The following OPCML variants were observed in gnomAD, a reference collection of about 807,000 sequenced individuals.
OPCML encodes the protein opioid binding protein/cell adhesion molecule like, also known as opioid-binding protein/cell adhesion molecule.
A neutral mutation model predicts 37.8 loss-of-function variants in OPCML; 13 were observed. The ratio of observed to expected loss-of-function variants is 0.34; its 90% CI spans 0.22 to 0.55. The LOEUF (loss-of-function observed/expected upper bound fraction) is 0.55, where lower values mean the gene tolerates loss of function less well. Among genes scored for constraint, OPCML ranks in the 20% least tolerant of loss-of-function variants. OPCML has a pLI of 0.91. For missense variants in OPCML, 341 were observed against 435.6 expected (o/e 0.78, Z 1.93); for synonymous variants, 176 against 168.8 (o/e 1.04, Z -0.33).
At chr11:133,197,569 C>T (rs1359290505) in intron 1 of OPCML, among the ~76,000 whole-genome samples, 1 of 152,152 alleles carries the variant, frequency 6.6e-6, no homozygotes, top group Non-Finnish European at 1.5e-5. Context: ...GCCACTTGCT[C>T]AATTAGATGG....
chr11:132,759,229 G>A (rs754654874), intron 2 of OPCML, among the ~76,000 whole-genome samples: 6 of 152,098 alleles, frequency 3.9e-5, no homozygotes, highest in Non-Finnish European at 1.5e-5. Flanking sequence ...TTTTCGCATC[G>A]ATGTTCATCA....
At chr11:132,884,914 G>A (rs1943352794) in intron 2 of OPCML, among the ~76,000 whole-genome samples, 1 of 152,076 alleles carries the variant, frequency 6.6e-6, no homozygotes, top group Admixed American at 6.6e-5. Context: ...AAAAATAAAA[G>A]CCTTAGTTAC....
At position 132,498,039 on chromosome 11, in the gene OPCML, T is replaced by G. The variant is rs187806829; in HGVS notation, c.505+31022A>C. On this transcript the variant is annotated intron_variant, in intron 4 of 7. Transcript: ENST00000524381. ...CATGGTTTTAGACAACACGATAAATTATTTAGAAAACATGATGAATTATTT... is the reference window on the plus strand; with the variant it reads ...CATGGTTTTAGACAACACGATAAATGATTTAGAAAACATGATGAATTATTT... Among the ~76,000 whole-genome samples, 67 of 152,356 alleles carry G rather than the reference T, an allele frequency of 4.4e-4. 1 individual carries two copies. The highest frequency in any genetic ancestry group is 2.5e-3 in the Admixed American group (38 of 15,308).
At chr11:132,645,031 A>T (rs1293898921) in intron 3 of OPCML, among the ~76,000 whole-genome samples, 2 of 152,212 alleles carry the variant, frequency 1.3e-5, no homozygotes, top group East Asian at 3.9e-4. Context: ...AATCCATCCC[A>T]TTAAATTGAT....
At chr11:132,922,234 G>T (rs939024279) in intron 2 of OPCML, among the ~76,000 whole-genome samples, 1 of 152,054 alleles carries the variant, frequency 6.6e-6, no homozygotes, top group African/African-American at 2.4e-5. Context: ...GGTGTTAAGA[G>T]CATCCTATCT....
At chr11:132,877,201 C>T (rs553670894) in intron 2 of OPCML, among the ~76,000 whole-genome samples, 3 of 152,274 alleles carry the variant, frequency 2.0e-5, no homozygotes, top group African/African-American at 7.2e-5. Flanking sequence ...TTCATCTTTT[C>T]AACCTGCAGA....
intron 2 of OPCML, among the ~76,000 whole-genome samples, chr11:132,940,009 T>A (rs1447375546): frequency 6.6e-6 from 1 of 152,216 alleles, no homozygotes; most frequent in African/African-American, 2.4e-5. Context: ...ATAATTATTT[T>A]TGCTTTTCAA....
At chr11:133,075,791 G>C (rs1018348845) in intron 1 of OPCML, among the ~76,000 whole-genome samples, 5 of 152,202 alleles carry the variant, frequency 3.3e-5, no homozygotes, top group Non-Finnish European at 7.3e-5. Context: ...CCCAGGCCTA[G>C]GGGACCTTGG....
intron 7 of OPCML, among the ~76,000 whole-genome samples, chr11:132,423,867 T>C: frequency 6.6e-6 from 1 of 152,222 alleles, no homozygotes; most frequent in Admixed American, 6.5e-5. Context: ...TTGAAGGAAC[T>C]ATTCAGGCTG....
chr11:133,396,085 T>C (rs554822710), intron 1 of OPCML, among the ~76,000 whole-genome samples: 5 of 152,152 alleles, frequency 3.3e-5, no homozygotes, highest in African/African-American at 1.2e-4. Context: ...CTTTTCATAG[T>C]AGAGAGCTTT....
intron 1 of OPCML, among the ~76,000 whole-genome samples, chr11:133,062,610 C>G (rs1351121431): frequency 2.6e-5 from 4 of 152,214 alleles, no homozygotes; most frequent in African/African-American, 7.2e-5. Context: ...CCCTCCTTTC[C>G]CTACAGATGA....
chr11:133,267,421 T>C (rs981143934), intron 1 of OPCML, among the ~76,000 whole-genome samples: 1 of 152,208 alleles, frequency 6.6e-6, no homozygotes, highest in African/African-American at 2.4e-5. Flanking sequence ...TTGTAAGATG[T>C]AGACAATCAA....
chr11:132,941,903 A>G (rs1380203573), intron 2 of OPCML, among the ~76,000 whole-genome samples: 1 of 152,164 alleles, frequency 6.6e-6, no homozygotes, highest in African/African-American at 2.4e-5. Context: ...AAGCCAAGGG[A>G]GGAACAGGAA....
chr11:133,514,800 C>T (rs961898720), intron 1 of OPCML, among the ~76,000 whole-genome samples: 4 of 152,164 alleles, frequency 2.6e-5, no homozygotes, highest in Admixed American at 2.6e-4. Context: ...ACTCTCACTC[C>T]TGTGTACCCT....
chr11:133,380,593 CA>C (rs1378550111), intron 1 of OPCML, among the ~76,000 whole-genome samples: 2 of 152,106 alleles, frequency 1.3e-5, no homozygotes, highest in African/African-American at 4.8e-5. Flanking sequence ...GCCATCAGTA[CA>C]ATTTTTTAAT....
intron 1 of OPCML, 31 bp downstream of exon 1, chr11:133,532,233 G>T: frequency 6.2e-7 from 1 of 1,610,782 alleles, no homozygotes. Context: ...ATCACCCCAG[G>T]GAGAGAAAAC....
rs559214071 is a variant in OPCML, at chr11:132,718,934, G to C, written c.147-61615C>G. Among the ~76,000 whole-genome samples the C allele has an allele frequency of 7.9e-5, 12 of 152,356 alleles. No individual in the cohort carries two copies. In the East Asian group the frequency reaches 1.9e-3, roughly 25 times the overall value. ...CCTCGCCAGATCTCCAAAGGGTCTGGAAAGGAAGTGAGAGACAGAAGCATA... is the reference window on the plus strand; with the variant it reads ...CCTCGCCAGATCTCCAAAGGGTCTGCAAAGGAAGTGAGAGACAGAAGCATA... On this transcript the variant is annotated intron_variant, in intron 2 of 7. Transcript: ENST00000524381.
At chr11:132,615,076 T>C (rs1162825867) in intron 3 of OPCML, among the ~76,000 whole-genome samples, 1 of 152,202 alleles carries the variant, frequency 6.6e-6, no homozygotes, top group South Asian at 2.1e-4. Flanking sequence ...AGAAAAACAG[T>C]CTTTGAGCTT....
Position 133,262,921 on chromosome 11 carries a change from C to T in OPCML, c.61+269343G>A, listed in dbSNP as rs77944204. On this transcript the variant is annotated intron_variant, in intron 1 of 7. Coordinates refer to ENST00000524381, the MANE Select transcript of OPCML (RefSeq NM_001012393.5). ...TGCCAGTGGGGCATCCCGAGATCAGCGATGTTCAGGAGAAATACCTAAAGA... is the reference window on the plus strand; with the variant it reads ...TGCCAGTGGGGCATCCCGAGATCAGTGATGTTCAGGAGAAATACCTAAAGA... 2.4e-3 allele frequency among the ~76,000 whole-genome samples: 364 copies of T among 151,886 alleles called. 1 individual carries two copies. Among genetic ancestry groups the T allele is most frequent in the African/African-American group, 8.2e-3 (340 of 41,424 alleles).
Sources: gnomAD v4.1 joint callset for allele counts (sites outside exome capture counted in the v4.1 genomes callset) on GRCh38, gnomAD v4.1.1 for gene constraint, MANE v1.5 for transcripts, NCBI Gene and HGNC (gene_info 2026-07-23, HGNC 2026-07-21) for gene names.